Variants in CLASP1 observed in about 807,000 individuals in gnomAD.
CLASP1 encodes CLIP-associating protein 1.
Under a neutral mutation model 192.3 loss-of-function variants are expected in CLASP1, and 38 were observed. The observed-to-expected ratio is 0.20, with a 90% CI of 0.15 to 0.26. The LOEUF (loss-of-function observed/expected upper bound fraction) is 0.26, where lower values mean the gene tolerates loss of function less well. Among genes scored for constraint, CLASP1 ranks in the 10% least tolerant of loss-of-function variants. CLASP1 has a pLI of 1.00. For synonymous variants in CLASP1, 691 were observed against 712.8 expected, an observed-to-expected ratio of 0.97 and a Z score of 0.49; for missense variants, 1,433 against 1,932.5, an observed-to-expected ratio of 0.74 and a Z score of 4.85.
chr2:121,469,852 G>A lies in CLASP1; in HGVS notation c.821C>T (p.Thr274Ile), dbSNP rs188274950. The change falls in exon 9 of 40, where the codon ACC (threonine) becomes ATC (isoleucine). Residue 274 changes from threonine (T) to isoleucine (I), a missense_variant. Coordinates refer to ENST00000263710, the Ensembl canonical transcript of CLASP1. ...GGTGGATGAACCAAGCCGGCGGGTGGTTCCCATTCCAACGTTTCTCCGAGA... is the reference window on the plus strand; with the variant it reads ...GGTGGATGAACCAAGCCGGCGGGTGATTCCCATTCCAACGTTTCTCCGAGA... The A allele has an allele frequency of 1.9e-6, 3 of 1,613,790 alleles. No individual in the cohort carries two copies. In the Admixed American group the frequency reaches 5.0e-5, roughly 27 times the overall value.
intron 25 of CLASP1, 137 bp downstream of exon 26, chr2:121,407,334 G>T: frequency 1.1e-6 from 1 of 947,418 alleles, no homozygotes; most frequent in Non-Finnish European, 1.5e-6. Context: ...TTTAGTGCCT[G>T]TTCCTGCAAG....
intron 2 of CLASP1, among the ~76,000 whole-genome samples, chr2:121,559,181 G>C (rs934732335): frequency 6.6e-6 from 1 of 152,146 alleles, no homozygotes; most frequent in Non-Finnish European, 1.5e-5. Flanking sequence ...GATGGCTACA[G>C]CAATACAGAC....
At chr2:121,615,045 T>G (rs1462308117) in intron 1 of CLASP1, among the ~76,000 whole-genome samples, 1 of 152,188 alleles carries the variant, frequency 6.6e-6, no homozygotes, top group African/African-American at 2.4e-5. Context: ...GATGTGCATT[T>G]AATAGTTATG....
At chr2:121,417,619 G>C (rs1000694530) in intron 23 of CLASP1, among the ~76,000 whole-genome samples, 4 of 152,150 alleles carry the variant, frequency 2.6e-5, no homozygotes, top group Non-Finnish European at 5.9e-5. Context: ...TAAATCACAG[G>C]GACCATCTAG....
intron 37 of CLASP1, among the ~76,000 whole-genome samples, chr2:121,362,176 C>T (rs551619139): frequency 1.3e-5 from 2 of 152,378 alleles, no homozygotes; most frequent in South Asian, 4.1e-4. Context: ...ATGTCTCACT[C>T]TGGGGTCAAA....
chr2:121,588,168 C>G (rs562863445), intron 2 of CLASP1, among the ~76,000 whole-genome samples: 3 of 127,962 alleles, frequency 2.3e-5, no homozygotes, highest in African/African-American at 9.7e-5. Context: ...AACGAGACTC[C>G]GTCTCAAAAA....
At chr2:121,388,557 T>C (rs748853900) in intron 30 of CLASP1, among the ~76,000 whole-genome samples, 5 of 152,202 alleles carry the variant, frequency 3.3e-5, no homozygotes, top group South Asian at 2.1e-4. Flanking sequence ...CTTGTAGTGA[T>C]TGTGGTAGCG....
intron 1 of CLASP1, among the ~76,000 whole-genome samples, chr2:121,638,570 C>T (rs939080154): frequency 8.6e-5 from 13 of 151,956 alleles, no homozygotes; most frequent in Non-Finnish European, 1.6e-4. Flanking sequence ...AGAGCAGAAA[C>T]AAGCCAACGT....
At chr2:121,635,778 C>G (rs1341087194) in intron 1 of CLASP1, among the ~76,000 whole-genome samples, 1 of 152,176 alleles carries the variant, frequency 6.6e-6, no homozygotes, top group Non-Finnish European at 1.5e-5. Flanking sequence ...TGCTCAAACT[C>G]AAAATAATTT....
intron 2 of CLASP1, among the ~76,000 whole-genome samples, chr2:121,537,910 G>A (rs1402981206): frequency 6.6e-6 from 1 of 152,142 alleles, no homozygotes; most frequent in Admixed American, 6.5e-5. Context: ...CTGCATTCAT[G>A]ATTAAAAATT....
chr2:121,448,522 T>C (rs1340946449), intron 17 of CLASP1, among the ~76,000 whole-genome samples, 197 bp from the exon 18 acceptor site: 1 of 152,202 alleles, frequency 6.6e-6, no homozygotes, highest in Non-Finnish European at 1.5e-5. Flanking sequence ...GCCTTTCAAA[T>C]ACAGAGAGTG....
chr2:121,614,999 A>G (rs1014820660), intron 1 of CLASP1, among the ~76,000 whole-genome samples: 1 of 152,360 alleles, frequency 6.6e-6, no homozygotes, highest in East Asian at 1.9e-4. Context: ...TATATAAACA[A>G]GATTCAGCTT....
chr2:121,614,703 T>C (rs2066173674), intron 1 of CLASP1, among the ~76,000 whole-genome samples: 1 of 152,178 alleles, frequency 6.6e-6, no homozygotes, highest in Non-Finnish European at 1.5e-5. Context: ...TCACTTTTAT[T>C]TACTCATCAA....
chr2:121,642,157 C>T (rs1307773796), intron 1 of CLASP1, among the ~76,000 whole-genome samples: 8 of 151,856 alleles, frequency 5.3e-5, no homozygotes, highest in Admixed American at 3.9e-4. Context: ...GTGGCTCACG[C>T]CTATAATCCC....
At chr2:121,459,124 A>G in intron 12 of CLASP1, 149 bp from the exon 13 acceptor site, 1 of 523,232 alleles carries the variant, frequency 1.9e-6, no homozygotes, top group Non-Finnish European at 3.2e-6. Context: ...GAACTTGGCA[A>G]ATAGTTCTTA....
chr2:121,364,031 A>G (rs956473402), intron 36 of CLASP1: 6 of 152,268 alleles, frequency 3.9e-5, no homozygotes, highest in South Asian at 2.1e-4. Context: ...AACAAGGCAT[A>G]ACTGCCTTAC....
intron 14 of CLASP1, among the ~76,000 whole-genome samples, chr2:121,452,664 G>A (rs981784178): frequency 6.6e-6 from 1 of 151,904 alleles, no homozygotes; most frequent in Non-Finnish European, 1.5e-5. Context: ...GGTGGCGGGC[G>A]CCTGTAATCC....
intron 2 of CLASP1, among the ~76,000 whole-genome samples, chr2:121,549,512 G>C (rs1575883998): frequency 6.6e-6 from 1 of 152,120 alleles, no homozygotes; most frequent in East Asian, 1.9e-4. Flanking sequence ...ACACTCTACT[G>C]ACAATATTAG....
Position 121,377,651 on chromosome 2 carries a change from T to C in CLASP1, c.3492-2A>G. ...TTCTCTGTATCATAGTCCAGCATGC[T>C]AAAGATAAAAAATATTTTATTTCTT... On this transcript the variant is annotated splice_acceptor_variant, in intron 33 of 39. Transcript: ENST00000263710. LOFTEE classifies it high-confidence loss of function. 1 of 1,549,404 alleles carries C rather than the reference T, an allele frequency of 6.5e-7. No individual in the cohort carries two copies. The highest frequency in any genetic ancestry group is 1.4e-5 in the African/African-American group (1 of 72,754).
Sources: allele counts gnomAD v4.1 joint callset (sites outside exome capture counted in the v4.1 genomes callset), GRCh38; gene constraint gnomAD v4.1.1; transcripts MANE v1.5; gene names NCBI Gene and HGNC (gene_info 2026-07-23, HGNC 2026-07-21).